SLIT3: variants seen among roughly 807,000 people sequenced by gnomAD.
SLIT3 encodes slit homolog 3 protein.
In SLIT3, 68 loss-of-function variants were observed where a neutral mutation model predicts 184.0. The observed-to-expected ratio is 0.37, with a 90% CI of 0.30 to 0.45. The LOEUF is 0.45. Ranked by LOEUF, SLIT3 falls within the 20% of genes least tolerant of loss-of-function variation. SLIT3 has a pLI of 1.00. For missense variants in SLIT3, 1,707 were observed against 2,026.0 expected (o/e 0.84, Z 3.02); for synonymous variants, 831 against 828.6 (o/e 1.00, Z -0.05).
At chr5:169,281,305 C>T (rs1355418925) in intron 1 of SLIT3, among the ~76,000 whole-genome samples, 10 of 152,106 alleles carry the variant, frequency 6.6e-5, no homozygotes, top group East Asian at 1.9e-4. Context: ...GGTGAAACCC[C>T]GTCTCTACTA....
At chr5:168,924,937 A>G (rs950750050) in intron 4 of SLIT3, among the ~76,000 whole-genome samples, 1 of 152,208 alleles carries the variant, frequency 6.6e-6, no homozygotes, top group Admixed American at 6.5e-5. Context: ...AGATCCCATC[A>G]TAAGGTAAGC....
rs941159322 is a variant in SLIT3, at chr5:169,218,219, T to C, written c.342-24669A>G. ...TATTCTTTTGAGTCACTTCAGATCT[T>C]TGCTTAATCATCATTATCTCAGGAA... On this transcript the variant is annotated intron_variant, in intron 3 of 35. Coordinates refer to ENST00000519560, the MANE Select transcript of SLIT3 (RefSeq NM_003062.4). Among the ~76,000 whole-genome samples, 31 of 152,216 alleles carry C rather than the reference T, an allele frequency of 2.0e-4. 1 individual carries two copies. The highest frequency in any genetic ancestry group is 1.9e-3 in the Admixed American group (29 of 15,278).
intron 14 of SLIT3, among the ~76,000 whole-genome samples, chr5:168,766,008 C>A (rs114807208): frequency 0.01 from 1,528 of 152,306 alleles, 18 homozygotes; most frequent in African/African-American, 0.035. Context: ...CCAGGAGGAA[C>A]ACTTGTCACA....
chr5:168,758,435 A>G (rs925092088), intron 16 of SLIT3, among the ~76,000 whole-genome samples: 2 of 152,210 alleles, frequency 1.3e-5, no homozygotes, highest in African/African-American at 4.8e-5. Flanking sequence ...TCACGCCCAC[A>G]GGCCTGTAAG....
At chr5:168,782,876 C>T (rs538534960) in intron 12 of SLIT3, among the ~76,000 whole-genome samples, 11 of 152,220 alleles carry the variant, frequency 7.2e-5, no homozygotes, top group East Asian at 1.9e-4. Flanking sequence ...AATGAATGGC[C>T]GCAGGAACTG....
Position 168,666,242 on chromosome 5 carries a change from ATATT to A in SLIT3, c.*208_*211del. On this transcript the variant is annotated 3_prime_UTR_variant, in exon 36 of 36. Transcript: ENST00000519560. ...GGTACATATACGCAGATGGTGTAAT[ATATT>A]TATATAATAAAAGATGAAAATAGTC... 2 of 461,590 alleles carry A rather than the reference ATATT, an allele frequency of 4.3e-6. No individual in the cohort carries two copies. Among genetic ancestry groups the A allele is most frequent in the Non-Finnish European group, 7.5e-6 (2 of 266,288 alleles). The allele number at this position is 461,590 out of a possible 1,614,324, so 28.6% of individuals were successfully genotyped here. A position where few individuals can be genotyped will look rare whatever the true frequency, so the allele number is the denominator to read the frequency against.
chr5:169,100,647 A>G (rs1759974764), intron 4 of SLIT3, among the ~76,000 whole-genome samples: 1 of 152,158 alleles, frequency 6.6e-6, no homozygotes, highest in South Asian at 2.1e-4. Flanking sequence ...ATGATCTGTA[A>G]CCTTACTGTA....
chr5:169,121,798 G>A (rs1448495826), intron 4 of SLIT3, among the ~76,000 whole-genome samples: 2 of 152,198 alleles, frequency 1.3e-5, no homozygotes, highest in Non-Finnish European at 2.9e-5. Flanking sequence ...TTTAAGAGCA[G>A]GAAGGGCCCT....
intron 4 of SLIT3, among the ~76,000 whole-genome samples, chr5:169,065,804 G>A (rs965565143): frequency 2.0e-5 from 3 of 152,190 alleles, no homozygotes; most frequent in Non-Finnish European, 2.9e-5. Context: ...CAAAGAGGGA[G>A]GAACAGAGGG....
At chr5:168,710,328 A>G (rs2113317444) in intron 25 of SLIT3, 1 of 152,356 alleles carries the variant, frequency 6.6e-6, no homozygotes, top group East Asian at 1.9e-4. Flanking sequence ...AGTGCTTACC[A>G]TCATTCCTGT....
intron 4 of SLIT3, among the ~76,000 whole-genome samples, chr5:169,047,299 C>T (rs1757659555): frequency 6.6e-6 from 1 of 152,172 alleles, no homozygotes; most frequent in African/African-American, 2.4e-5. Context: ...CCCTCATATT[C>T]ATTTTCCCCT....
intron 6 of SLIT3, among the ~76,000 whole-genome samples, chr5:168,830,586 G>A (rs1434198403): frequency 6.6e-6 from 1 of 152,162 alleles, no homozygotes; most frequent in Non-Finnish European, 1.5e-5. Context: ...CAGAAATAAT[G>A]CTGATACTAT....
At chr5:168,854,255 G>A (rs1391178539) in intron 5 of SLIT3, among the ~76,000 whole-genome samples, 2 of 151,176 alleles carry the variant, frequency 1.3e-5, no homozygotes, top group African/African-American at 4.9e-5. Flanking sequence ...GAAGAGGATG[G>A]GGAGGAAGCC....
chr5:169,195,708 G>T (rs1763720030), intron 3 of SLIT3, among the ~76,000 whole-genome samples: 1 of 152,012 alleles, frequency 6.6e-6, no homozygotes, highest in Admixed American at 6.6e-5. Flanking sequence ...TGTATTTTTA[G>T]TAGAGACGGT....
At position 169,300,561 on chromosome 5, in the gene SLIT3, A is replaced by G; in HGVS notation, c.149T>C (p.Leu50Pro). The G allele has an allele frequency of 6.6e-7, 1 of 1,510,334 alleles. No homozygotes were observed. The highest frequency in any genetic ancestry group is 8.8e-7 in the Non-Finnish European group (1 of 1,132,930). 93.6% of individuals were successfully genotyped at this position (1,510,334 alleles called of 1,614,324 possible). Residue 50 changes from leucine (L) to proline (P), a missense_variant, in exon 1 of 36, where the codon CTG (leucine) becomes CCG (proline). Coordinates refer to ENST00000519560, the MANE Select transcript of SLIT3 (RefSeq NM_003062.4). This position sits in a 1 kb window ranked among gnomAD's most constrained non-coding sequence, Gnocchi z 4.1. The part of the protein sequence containing the change: ...CSAASVDCHG[L>P]GLRAVPRGIP... ...GCCCCGAGGAACCGCGCGGAGGCCC[A>G]GCCCGTGGCAGTCCACGCTGGCAGC...
At chr5:169,183,105 C>T (rs993674853) in intron 4 of SLIT3, among the ~76,000 whole-genome samples, 6 of 152,184 alleles carry the variant, frequency 3.9e-5, no homozygotes, top group Admixed American at 2.6e-4. Context: ...GTTCTATACT[C>T]AGCATCCCAA....
At chr5:168,980,492 G>A (rs567412993) in intron 4 of SLIT3, among the ~76,000 whole-genome samples, 2 of 152,134 alleles carry the variant, frequency 1.3e-5, no homozygotes, top group Non-Finnish European at 2.9e-5. Flanking sequence ...TTTTGGCAAA[G>A]GTCACCCAGC....
intron 3 of SLIT3, among the ~76,000 whole-genome samples, chr5:169,242,752 T>A (rs1192937710): frequency 6.6e-6 from 1 of 152,198 alleles, no homozygotes; most frequent in Non-Finnish European, 1.5e-5. Flanking sequence ...TTACCCCACC[T>A]AATACACCAA....
chr5:168,867,395 A>C (rs962157042), intron 5 of SLIT3, among the ~76,000 whole-genome samples: 2 of 152,268 alleles, frequency 1.3e-5, no homozygotes, highest in Non-Finnish European at 2.9e-5. Context: ...ATAGATGTGC[A>C]TGTATTGAGG....
Sources: allele counts gnomAD v4.1 joint callset (sites outside exome capture counted in the v4.1 genomes callset), GRCh38; gene constraint gnomAD v4.1.1; non-coding constraint Gnocchi (gnomAD v3.1); transcripts MANE v1.5; gene names NCBI Gene and HGNC (gene_info 2026-07-23, HGNC 2026-07-21).